TRAPPC9: variants seen among roughly 807,000 people sequenced by gnomAD.
TRAPPC9 encodes trafficking protein particle complex subunit 9, also known as IKK2 binding protein.
Under a neutral mutation model 124.0 loss-of-function variants are expected in TRAPPC9, and 83 were observed. That is an observed-to-expected ratio of 0.67 (90% CI 0.56 to 0.80). The LOEUF (loss-of-function observed/expected upper bound fraction) is 0.80, where lower values mean the gene tolerates loss of function less well. Ranked by LOEUF, TRAPPC9 falls within the 30% of genes least tolerant of loss-of-function variation. The pLI, the probability that TRAPPC9 is intolerant of heterozygous loss-of-function variation, is 0.00. For synonymous variants in TRAPPC9, 638 were observed against 617.5 expected (o/e 1.03, Z -0.49); for missense variants, 1,302 against 1,508.3 (o/e 0.86, Z 2.27).
At chr8:140,369,733 C>A (rs1459585192) in intron 8 of TRAPPC9, among the ~76,000 whole-genome samples, 1 of 152,090 alleles carries the variant, frequency 6.6e-6, no homozygotes, top group African/African-American at 2.4e-5. Context: ...GGGCGGATCA[C>A]CTGAGGTCAG....
rs538426817 is a variant in TRAPPC9, at chr8:139,817,975, T to A, written c.3055+67904A>T. On this transcript the variant is annotated intron_variant, in intron 21 of 22. Coordinates refer to ENST00000438773, the MANE Select transcript of TRAPPC9 (RefSeq NM_001160372.4). Reference sequence around the variant, plus strand: ...ATGTGCTGAATTAATCCACTTCAGTTCCACAATTTATTCTTAAGCTACCGT... The same window carrying A: ...ATGTGCTGAATTAATCCACTTCAGTACCACAATTTATTCTTAAGCTACCGT... 5.9e-5 allele frequency among the ~76,000 whole-genome samples: 9 copies of A among 152,326 alleles called. No homozygotes were observed. In the South Asian group the frequency reaches 1.9e-3, roughly 32 times the overall value.
At chr8:140,443,941 C>T (rs62527779) in intron 2 of TRAPPC9, among the ~76,000 whole-genome samples, 12,914 of 147,186 alleles carry the variant, frequency 0.088, 599 homozygotes, top group African/African-American at 0.11. Context: ...GAGACTGAGG[C>T]AGGAGAATGG....
At chr8:140,088,468 C>T (rs1446742116) in intron 17 of TRAPPC9, among the ~76,000 whole-genome samples, 1 of 152,206 alleles carries the variant, frequency 6.6e-6, no homozygotes, top group Non-Finnish European at 1.5e-5. Context: ...CGCTTAAACA[C>T]ACAACGAGGA....
intron 11 of TRAPPC9, among the ~76,000 whole-genome samples, chr8:140,291,937 CCCTTAGTTGAG>C (rs1405964884): frequency 6.6e-6 from 1 of 152,176 alleles, no homozygotes; most frequent in African/African-American, 2.4e-5. Context: ...GCAGGCCCTT[CCCTTAGTTGAG>C]CCTCCAGATG....
chr8:140,298,461 T>TG (rs1479749673), intron 11 of TRAPPC9, among the ~76,000 whole-genome samples: 2 of 152,120 alleles, frequency 1.3e-5, no homozygotes, highest in Non-Finnish European at 2.9e-5. Context: ...GAGACCAGCC[T>TG]GGGCAACATG....
At chr8:140,225,551 G>A (rs1220993299) in intron 16 of TRAPPC9, among the ~76,000 whole-genome samples, 1 of 152,016 alleles carries the variant, frequency 6.6e-6, no homozygotes, top group Non-Finnish European at 1.5e-5. Flanking sequence ...ATCTCTCCAC[G>A]ACACCATAAT....
intron 21 of TRAPPC9, among the ~76,000 whole-genome samples, chr8:139,831,873 G>A (rs560719252): frequency 3.3e-5 from 5 of 152,380 alleles, no homozygotes; most frequent in Non-Finnish European, 5.9e-5. Context: ...CTCTGCCTCC[G>A]TGCTCTTTCC....
intron 1 of TRAPPC9, among the ~76,000 whole-genome samples, chr8:140,455,092 T>C (rs766994966): frequency 2.0e-5 from 3 of 152,160 alleles, no homozygotes; most frequent in Non-Finnish European, 4.4e-5. Context: ...TCTGAAAACA[T>C]GTGTCCACAC....
At chr8:140,157,053 CAAA>C (rs1238836324) in intron 17 of TRAPPC9, among the ~76,000 whole-genome samples, 13 of 101,522 alleles carry the variant, frequency 1.3e-4, no homozygotes, top group African/African-American at 1.6e-4. Context: ...CTTTTCCATT[CAAA>C]AGCCTCCCTT....
chr8:140,401,400 C>T (rs2069263847), intron 6 of TRAPPC9, among the ~76,000 whole-genome samples: 1 of 152,120 alleles, frequency 6.6e-6, no homozygotes, highest in African/African-American at 2.4e-5. Context: ...TGCTTAAATA[C>T]CAACAATGAA....
intron 18 of TRAPPC9, among the ~76,000 whole-genome samples, chr8:139,998,885 T>A (rs1036540458): frequency 6.6e-6 from 1 of 151,858 alleles, no homozygotes; most frequent in Admixed American, 6.5e-5. Context: ...ATATTTGAGA[T>A]TCCACCAAGT....
intron 17 of TRAPPC9, among the ~76,000 whole-genome samples, chr8:140,169,124 T>A (rs546145874): frequency 1.3e-5 from 2 of 150,932 alleles, no homozygotes; most frequent in East Asian, 3.9e-4. Context: ...CTGGGAAAAA[T>A]TCATTTATTT....
rs1290534022 is a variant in TRAPPC9, at chr8:139,941,786, T to C, written c.2811-31486A>G. Reference sequence around the variant, plus strand: ...CAGGAGGCAGGCTGGGCAGAGGGCATATTCCACTCTGCACCCCTGGGCTCA... The same window carrying C: ...CAGGAGGCAGGCTGGGCAGAGGGCACATTCCACTCTGCACCCCTGGGCTCA... On this transcript the variant is annotated intron_variant, in intron 19 of 22. Transcript: ENST00000438773. Among the ~76,000 whole-genome samples the C allele has an allele frequency of 3.3e-5, 5 of 152,318 alleles. No homozygotes were observed. In the East Asian group the frequency reaches 5.8e-4, roughly 18 times the overall value.
chr8:140,011,978 A>C (rs1230309571), intron 18 of TRAPPC9, among the ~76,000 whole-genome samples: 1 of 151,836 alleles, frequency 6.6e-6, no homozygotes, highest in Non-Finnish European at 1.5e-5. Flanking sequence ...GCGCCAGACA[A>C]TTTTTGCATT....
chr8:140,415,727 G>A (rs1008777079), intron 5 of TRAPPC9, among the ~76,000 whole-genome samples: 9 of 152,078 alleles, frequency 5.9e-5, no homozygotes, highest in African/African-American at 1.9e-4. Context: ...CCAGAAGTTT[G>A]GGAAGCAGAG....
chr8:140,379,780 G>A (rs1453309747), intron 7 of TRAPPC9, among the ~76,000 whole-genome samples: 1 of 152,162 alleles, frequency 6.6e-6, no homozygotes, highest in Non-Finnish European at 1.5e-5. Flanking sequence ...TCCTACAGAT[G>A]AAATTACCGA....
At chr8:140,168,487 C>CTATAAATGG (rs2061892702) in intron 17 of TRAPPC9, among the ~76,000 whole-genome samples, 1 of 152,002 alleles carries the variant, frequency 6.6e-6, no homozygotes, top group Admixed American at 6.6e-5. Flanking sequence ...TGAATGTTTC[C>CTATAAATGG]TATAAACGGA....
chr8:139,961,943 C>G (rs1835391946), intron 19 of TRAPPC9, among the ~76,000 whole-genome samples: 1 of 123,976 alleles, frequency 8.1e-6, no homozygotes. Flanking sequence ...AACCCCTCTG[C>G]TGATAGCTGG....
chr8:139,733,299 G>A (rs186230865), intron 21 of TRAPPC9, among the ~76,000 whole-genome samples: 68 of 152,262 alleles, frequency 4.5e-4, no homozygotes, highest in Non-Finnish European at 8.5e-4. Context: ...AGGAACTGAA[G>A]GAGGGAAGAA....
Sources: gnomAD v4.1 joint callset for allele counts (sites outside exome capture counted in the v4.1 genomes callset) on GRCh38, gnomAD v4.1.1 for gene constraint, MANE v1.5 for transcripts, NCBI Gene and HGNC (gene_info 2026-07-23, HGNC 2026-07-21) for gene names.